The following MNAT1 variants were observed in gnomAD, a reference collection of about 807,000 sequenced individuals.
The protein encoded by MNAT1 is CDK-activating kinase assembly factor MAT1.
Under a neutral mutation model 42.0 loss-of-function variants are expected in MNAT1, and 43 were observed. That is an observed-to-expected ratio of 1.02 (90% confidence interval 0.80 to 1.32). The LOEUF (loss-of-function observed/expected upper bound fraction) is 1.32. Ranked by LOEUF, MNAT1 falls within the 40% of genes most tolerant of loss-of-function variation. The probability of loss-of-function intolerance (pLI) is 0.00; values close to 1 mark genes in which losing one functional copy is unlikely to be tolerated. For missense variants in MNAT1, 306 were observed against 350.4 expected (o/e 0.87, Z 1.01); for synonymous variants, 118 against 120.0 (o/e 0.98, Z 0.11).
rs557487760 is a variant in MNAT1, at chr14:60,734,792, C to T, written c.-71C>T. 105 of 1,438,112 alleles carry T rather than the reference C, an allele frequency of 7.3e-5. No homozygotes were observed. The African/African-American group carries it at 1.4e-3, about 19-fold the overall frequency. The allele number at this position is 1,438,112 out of a possible 1,614,324, so 89.1% of individuals were successfully genotyped here. On this transcript the variant is annotated 5_prime_UTR_variant, in exon 1 of 8. Coordinates refer to ENST00000261245, the MANE Select transcript of MNAT1 (RefSeq NM_002431.4). This position sits in a 1 kb window ranked among gnomAD's most constrained non-coding sequence, Gnocchi z 4.3. ...CTGTTGGTAGGAACCTGCTTGGTCG[C>T]GTCTGAGGGGGCTTGTAGGTGGCTC...
intron 1 of MNAT1, among the ~76,000 whole-genome samples, chr14:60,761,558 C>T (rs2030601828): frequency 2.0e-5 from 3 of 152,138 alleles, no homozygotes. Context: ...TATGACAGCA[C>T]TGAAAAATTT....
intron 7 of MNAT1, among the ~76,000 whole-genome samples, chr14:60,960,122 A>G (rs2036561980): frequency 6.6e-6 from 1 of 152,166 alleles, no homozygotes; most frequent in Non-Finnish European, 1.5e-5. Flanking sequence ...AATACTATGC[A>G]TATGCCCTTT....
At chr14:60,806,901 C>T (rs1029499228) in intron 3 of MNAT1, among the ~76,000 whole-genome samples, 1 of 152,158 alleles carries the variant, frequency 6.6e-6, no homozygotes, top group Non-Finnish European at 1.5e-5. Context: ...GAGAGTGCTG[C>T]TTGTCTGGAG....
chr14:60,792,671 G>A (rs1475842262), intron 1 of MNAT1, among the ~76,000 whole-genome samples: 1 of 152,078 alleles, frequency 6.6e-6, no homozygotes, highest in Non-Finnish European at 1.5e-5. Context: ...TTTGAAATTT[G>A]ACATGGAATA....
chr14:60,911,855 A>T (rs1022791502), intron 7 of MNAT1, among the ~76,000 whole-genome samples: 84 of 152,018 alleles, frequency 5.5e-4, no homozygotes, highest in Non-Finnish European at 8.2e-4. Context: ...TGCAGAGCTG[A>T]GTTCAATTCC....
intron 1 of MNAT1, among the ~76,000 whole-genome samples, chr14:60,762,756 C>CT (rs902064492): frequency 5.0e-5 from 7 of 139,302 alleles, no homozygotes; most frequent in East Asian, 2.2e-4. Context: ...TTATGATATT[C>CT]TTTTTTTTTC....
intron 7 of MNAT1, among the ~76,000 whole-genome samples, chr14:60,943,541 C>A (rs1393332734): frequency 6.6e-6 from 1 of 152,022 alleles, no homozygotes; most frequent in Non-Finnish European, 1.5e-5. Context: ...TTTTTCATAT[C>A]ATCTCGTTAG....
chr14:60,915,465 TG>T (rs1424275116), intron 7 of MNAT1, among the ~76,000 whole-genome samples: 1 of 152,248 alleles, frequency 6.6e-6, no homozygotes, highest in Non-Finnish European at 1.5e-5. Context: ...GCCATGTTTT[TG>T]GTGTCTCTTC....
At chr14:60,853,339 C>T (rs1242239367) in intron 6 of MNAT1, among the ~76,000 whole-genome samples, 3 of 152,014 alleles carry the variant, frequency 2.0e-5, no homozygotes, top group African/African-American at 7.3e-5. Context: ...TGATTTGGTT[C>T]TCTGCTTGTC....
intron 7 of MNAT1, among the ~76,000 whole-genome samples, chr14:60,945,895 C>T (rs2036263986): frequency 6.6e-6 from 1 of 152,174 alleles, no homozygotes; most frequent in South Asian, 2.1e-4. Context: ...CCTCTTTATA[C>T]TCAGCAACTA....
At chr14:60,863,377 C>T (rs1269749681) in intron 6 of MNAT1, among the ~76,000 whole-genome samples, 2 of 152,066 alleles carry the variant, frequency 1.3e-5, no homozygotes, top group South Asian at 2.1e-4. Flanking sequence ...AAATGACAGG[C>T]AACCATTGGT....
chr14:60,826,283 C>A (rs559952510), intron 6 of MNAT1, among the ~76,000 whole-genome samples: 124 of 147,722 alleles, frequency 8.4e-4, no homozygotes, highest in African/African-American at 3.0e-3. Context: ...CTACTTATCA[C>A]TATTTTATGC....
At chr14:60,782,161 A>G (rs1297675886) in intron 1 of MNAT1, among the ~76,000 whole-genome samples, 1 of 152,082 alleles carries the variant, frequency 6.6e-6, no homozygotes, top group East Asian at 1.9e-4. Context: ...TGTTTGAATT[A>G]TGGAGTCAAA....
At chr14:60,869,038 A>AT (rs1328532787) in intron 6 of MNAT1, among the ~76,000 whole-genome samples, 4,198 of 91,702 alleles carry the variant, frequency 0.046, 150 homozygotes, top group East Asian at 0.19. Flanking sequence ...ATATATATAT[A>AT]TATTTTTTTT....
At chr14:60,806,881 G>A (rs1416774978) in intron 3 of MNAT1, among the ~76,000 whole-genome samples, 2 of 152,196 alleles carry the variant, frequency 1.3e-5, no homozygotes, top group Non-Finnish European at 2.9e-5. Flanking sequence ...AGGATCAGAG[G>A]TAACTTTTTG....
At chr14:60,867,618 A>C (rs2034234265) in intron 6 of MNAT1, among the ~76,000 whole-genome samples, 1 of 151,902 alleles carries the variant, frequency 6.6e-6, no homozygotes, top group African/African-American at 2.4e-5. Context: ...AATTTGAGGG[A>C]AATTTTATGT....
intron 7 of MNAT1, among the ~76,000 whole-genome samples, chr14:60,926,158 C>T (rs527868110): frequency 6.6e-6 from 1 of 152,276 alleles, no homozygotes; most frequent in South Asian, 2.1e-4. Context: ...ATTCTACCCA[C>T]AAAGAGTTGT....
chr14:60,881,633 G>T (rs2034553846), intron 7 of MNAT1, among the ~76,000 whole-genome samples: 1 of 151,882 alleles, frequency 6.6e-6, no homozygotes, highest in Non-Finnish European at 1.5e-5. Context: ...AGATAGAGAA[G>T]ATTTTTTTAA....
At chr14:60,841,262 C>T (rs1248188973) in intron 6 of MNAT1, among the ~76,000 whole-genome samples, 1 of 151,206 alleles carries the variant, frequency 6.6e-6, no homozygotes, top group Non-Finnish European at 1.5e-5. Context: ...TATTATTTTT[C>T]TAGTCTATAT....
Sources: allele counts gnomAD v4.1 joint callset (sites outside exome capture counted in the v4.1 genomes callset), GRCh38; gene constraint gnomAD v4.1.1; non-coding constraint Gnocchi (gnomAD v3.1); transcripts MANE v1.5; gene names NCBI Gene and HGNC (gene_info 2026-07-23, HGNC 2026-07-21).